The following ACTG2 variants were observed in gnomAD, a reference collection of about 807,000 sequenced individuals.
The protein encoded by ACTG2 is actin, gamma-enteric smooth muscle.
A neutral mutation model predicts 37.6 loss-of-function variants in ACTG2; 16 were observed. The observed-to-expected ratio is 0.43, with a 90% CI of 0.29 to 0.65. The LOEUF (loss-of-function observed/expected upper bound fraction) is 0.65. Ranked by LOEUF, ACTG2 falls within the 30% of genes least tolerant of loss-of-function variation. The probability of loss-of-function intolerance (pLI) is 0.18; values close to 1 mark genes in which losing one functional copy is unlikely to be tolerated. For missense variants in ACTG2, 238 were observed against 490.9 expected (o/e 0.48, Z 4.87); for synonymous variants, 181 against 179.9 (o/e 1.01, Z -0.05).
chr2:73,904,829 TA>T (rs1679985707), intron 3 of ACTG2, among the ~76,000 whole-genome samples: 1 of 126,352 alleles, frequency 7.9e-6, no homozygotes, highest in Non-Finnish European at 1.6e-5. Flanking sequence ...TTGTGTGCCT[TA>T]AAAGAAAAAC....
At chr2:73,906,366 C>G (rs1008535444) in intron 3 of ACTG2, among the ~76,000 whole-genome samples, 3 of 151,982 alleles carry the variant, frequency 2.0e-5, no homozygotes, top group South Asian at 2.1e-4. Context: ...CAGGAGAATG[C>G]CGTGAACCCG....
intron 3 of ACTG2, among the ~76,000 whole-genome samples, chr2:73,907,654 T>C (rs961942977): frequency 1.3e-5 from 2 of 152,140 alleles, no homozygotes; most frequent in African/African-American, 2.4e-5. Context: ...GCTAATTTTT[T>C]ATCTTTTTGT....
chr2:73,904,060 C>T (rs1213217769), intron 3 of ACTG2, among the ~76,000 whole-genome samples: 1 of 147,128 alleles, frequency 6.8e-6, no homozygotes, highest in Non-Finnish European at 1.5e-5. Context: ...GCCTGGGCAA[C>T]ATGGTGATAC....
chr2:73,919,263 G>A lies in ACTG2; in HGVS notation c.988-169G>A, dbSNP rs184658853. Among the ~76,000 whole-genome samples the A allele has an allele frequency of 2.5e-3, 385 of 152,352 alleles. 1 individual carries two copies. Among genetic ancestry groups the A allele is most frequent in the African/African-American group, 8.8e-3 (366 of 41,584 alleles). On this transcript the variant is annotated intron_variant, in intron 8 of 8. Coordinates refer to ENST00000345517, the MANE Select transcript of ACTG2 (RefSeq NM_001615.4). ...TGCACTCTTCCCATGGAAGGAATAAGGGAAGAGGGGGGAAGTGAAGGTTTT... is the reference window on the plus strand; with the variant it reads ...TGCACTCTTCCCATGGAAGGAATAAAGGAAGAGGGGGGAAGTGAAGGTTTT...
intron 5 of ACTG2, among the ~76,000 whole-genome samples, chr2:73,912,384 T>C (rs147484801): frequency 0.011 from 1,609 of 152,360 alleles, 13 homozygotes; most frequent in Middle Eastern, 0.034. Context: ...CTTGAACTCC[T>C]GACCTCAAGT....
At chr2:73,901,989 C>T (rs1202364453) in intron 2 of ACTG2, among the ~76,000 whole-genome samples, 1 of 148,742 alleles carries the variant, frequency 6.7e-6, no homozygotes. Flanking sequence ...TAAGCAGGCA[C>T]AGGGGACTTG....
intron 2 of ACTG2, among the ~76,000 whole-genome samples, chr2:73,902,041 C>CTGTGTGTG (rs34360898): frequency 2.5e-4 from 33 of 131,398 alleles, no homozygotes; most frequent in Middle Eastern, 4.2e-3. Context: ...GTGTGTGTGT[C>CTGTGTGTG]TGTGTGTGTG....
chr2:73,919,765 T>C lies in ACTG2; in HGVS notation c.*190T>C. 1 of 520,816 alleles carries C rather than the reference T, an allele frequency of 1.9e-6. No homozygotes were observed. Among genetic ancestry groups the C allele is most frequent in the Non-Finnish European group, 3.2e-6 (1 of 315,192 alleles). The allele number at this position is 520,816 out of a possible 1,614,324, so 32.3% of individuals were successfully genotyped here. A position where few individuals can be genotyped will look rare whatever the true frequency, so the allele number is the denominator to read the frequency against. ...TAGTGCTGTAAGGTAGGTGCTATCA[T>C]TATACCCATATTACAGATGAGGAAA... is the stretch of plus-strand genomic sequence containing the variant. On this transcript the variant is annotated 3_prime_UTR_variant, in exon 9 of 9. Transcript: ENST00000345517.
At chr2:73,902,601 T>C (rs1558623005) in intron 3 of ACTG2, 113 bp downstream of exon 3, 2 of 1,557,554 alleles carry the variant, frequency 1.3e-6, no homozygotes, top group Middle Eastern at 1.7e-4. Context: ...TGCTTCTCAC[T>C]TCTGTCTTTC....
intron 2 of ACTG2, 146 bp downstream of exon 2, chr2:73,901,583 TGTGC>T (rs1679882573): frequency 1.5e-5 from 2 of 130,808 alleles, no homozygotes; most frequent in African/African-American, 1.3e-4. Context: ...TGTGTGTGTC[TGTGC>T]GTGTGTGTGT....
intron 5 of ACTG2, among the ~76,000 whole-genome samples, chr2:73,909,516 T>C (rs1680083287): frequency 6.6e-6 from 1 of 152,196 alleles, no homozygotes; most frequent in African/African-American, 2.4e-5. Flanking sequence ...ATGTGTGTCA[T>C]TAGGTGACTT....
intron 5 of ACTG2, among the ~76,000 whole-genome samples, chr2:73,912,138 G>A (rs1680152268): frequency 6.6e-6 from 1 of 152,156 alleles, no homozygotes; most frequent in Non-Finnish European, 1.5e-5. Context: ...GTCGTATCCT[G>A]TGCTTTGCAC....
At chr2:73,914,636 A>G (rs377757078) in intron 6 of ACTG2, 44 bp from the exon 7 acceptor site, 2 of 1,438,242 alleles carry the variant, frequency 1.4e-6, no homozygotes, top group African/African-American at 1.4e-5. Context: ...CAACCAAACT[A>G]TCAGAGCTCA....
chr2:73,913,778 A>C, intron 6 of ACTG2, 132 bp downstream of exon 6: 2 of 755,388 alleles, frequency 2.6e-6, no homozygotes, highest in Non-Finnish European at 4.2e-6. Context: ...GAGAGGCCTT[A>C]AGCTGGGGCT....
rs1030819852 is a variant in ACTG2 at position 73,910,954 on chromosome 2, A to G, written c.451+1815A>G. Among the ~76,000 whole-genome samples the G allele has an allele frequency of 6.1e-5, 6 of 98,302 alleles. No homozygotes were observed. The East Asian group carries it at 1.2e-3, about 20-fold the overall frequency. 64.5% of individuals were successfully genotyped at this position (98,302 alleles called of 152,430 possible). ...TTTTACTTTTAGAGCTTTTTTGATA[A>G]AAACTAAAATATACACATTAGCCTC... On this transcript the variant is annotated intron_variant, in intron 5 of 8. Transcript: ENST00000345517.
intron 1 of ACTG2, among the ~76,000 whole-genome samples, chr2:73,896,467 G>A (rs1679751224): frequency 6.6e-6 from 1 of 151,958 alleles, no homozygotes; most frequent in Non-Finnish European, 1.5e-5. Flanking sequence ...CTGTCATCTT[G>A]TGAGATAGAT....
intron 1 of ACTG2, among the ~76,000 whole-genome samples, chr2:73,900,846 T>C (rs1197092542): frequency 1.3e-5 from 2 of 152,214 alleles, no homozygotes; most frequent in East Asian, 3.9e-4. Flanking sequence ...TTTTAGCTTC[T>C]TTCTTTGGCT....
intron 1 of ACTG2, among the ~76,000 whole-genome samples, chr2:73,893,873 T>C (rs61306734): frequency 0.24 from 36,828 of 152,064 alleles, 4,608 homozygotes; most frequent in East Asian, 0.37. Context: ...GCCACTTCTA[T>C]GTTTGGCATC....
chr2:73,904,777 G>GTATATATA (rs199782884), intron 3 of ACTG2, among the ~76,000 whole-genome samples: 165 of 42,554 alleles, frequency 3.9e-3, no homozygotes, highest in Admixed American at 5.5e-3. Context: ...GTGTGTGTGT[G>GTATATATA]TATATATATA....
Sources: allele counts gnomAD v4.1 joint callset (sites outside exome capture counted in the v4.1 genomes callset), GRCh38; gene constraint gnomAD v4.1.1; transcripts MANE v1.5; gene names NCBI Gene and HGNC (gene_info 2026-07-23, HGNC 2026-07-21).